Variants in GDAP1 observed in about 807,000 individuals in gnomAD.
GDAP1 encodes ganglioside-induced differentiation-associated protein 1.
A neutral mutation model predicts 40.1 loss-of-function variants in GDAP1; 34 were observed. The observed-to-expected ratio is 0.85, with a 90% CI of 0.64 to 1.13. The LOEUF is 1.13. GDAP1 is among the 50% of genes most tolerant of loss of function. The probability of loss-of-function intolerance (pLI) is 0.00; values close to 1 mark genes in which losing one functional copy is unlikely to be tolerated. For missense variants in GDAP1, 374 were observed against 433.7 expected (o/e 0.86, Z 1.22); for synonymous variants, 170 against 157.4 (o/e 1.08, Z -0.60).
intron 2 of GDAP1, among the ~76,000 whole-genome samples, chr8:74,387,192 G>T (rs1042945717): frequency 5.3e-5 from 8 of 152,030 alleles, no homozygotes; most frequent in African/African-American, 1.9e-4. Context: ...TGCCTAATTG[G>T]CCTGGCCAGA....
chr8:74,424,159 T>C (rs1325980598), intron 2 of GDAP1, among the ~76,000 whole-genome samples: 3 of 152,178 alleles, frequency 2.0e-5, no homozygotes. Flanking sequence ...CTTTAAGTCA[T>C]TTCTAGTTTA....
intron 2 of GDAP1, among the ~76,000 whole-genome samples, chr8:74,392,778 A>G (rs1169015583): frequency 6.6e-6 from 1 of 152,232 alleles, no homozygotes; most frequent in Non-Finnish European, 1.5e-5. Flanking sequence ...TTCCCCAAAC[A>G]CTTTTTACTT....
chr8:74,381,099 T>A (rs886494148), intron 2 of GDAP1, among the ~76,000 whole-genome samples: 1 of 152,044 alleles, frequency 6.6e-6, no homozygotes, highest in Non-Finnish European at 1.5e-5. Flanking sequence ...TGTGTGTGTC[T>A]GTGTGTGTGG....
rs868609146 is a variant in GDAP1, at chr8:74,399,242, A to G, written c.165+47921A>G. On this transcript the variant is annotated intron_variant, in intron 2 of 2. Coordinates refer to the GDAP1 transcript ENST00000523640. ...CAATTTCAGATCCTGTTATTGGTCT[A>G]TTCAGAGATTCAACTTCTTCCTGGT... Among the ~76,000 whole-genome samples the G allele has an allele frequency of 2.6e-4, 38 of 145,696 alleles. 2 individuals carry two copies. In the Middle Eastern group the frequency reaches 0.031, roughly 118 times the overall value.
At chr8:74,375,354 C>T (rs892463333) in intron 2 of GDAP1, among the ~76,000 whole-genome samples, 3 of 151,970 alleles carry the variant, frequency 2.0e-5, no homozygotes, top group Admixed American at 6.6e-5. Context: ...AACTATTCCT[C>T]GTGACTGTAG....
intron 5 of GDAP1, among the ~76,000 whole-genome samples, 195 bp downstream of exon 5, chr8:74,363,248 C>T (rs1056380664): frequency 3.3e-5 from 5 of 152,128 alleles, no homozygotes; most frequent in African/African-American, 1.2e-4. Flanking sequence ...TCTGCATCTA[C>T]GTGAAGGATT....
At chr8:74,418,035 A>G (rs139017594) in intron 2 of GDAP1, among the ~76,000 whole-genome samples, 1 of 152,228 alleles carries the variant, frequency 6.6e-6, no homozygotes, top group African/African-American at 2.4e-5. Context: ...AAGAAATCTA[A>G]GAAGGCCTAG....
At chr8:74,360,419 T>C in intron 3 of GDAP1, 109 bp downstream of exon 3, 1 of 933,944 alleles carries the variant, frequency 1.1e-6, no homozygotes, top group Non-Finnish European at 1.8e-6. Flanking sequence ...AATAGGGTTG[T>C]TGAGTTTGCT....
At chr8:74,447,558 C>G (rs1806247124) in intron 2 of GDAP1, among the ~76,000 whole-genome samples, 1 of 152,096 alleles carries the variant, frequency 6.6e-6, no homozygotes, top group African/African-American at 2.4e-5. Context: ...CACACAGTTT[C>G]TTTAGTGTCC....
intron 2 of GDAP1, among the ~76,000 whole-genome samples, chr8:74,385,002 C>T (rs2131540036): frequency 6.6e-6 from 1 of 152,208 alleles, no homozygotes; most frequent in South Asian, 2.1e-4. Context: ...AATATGGATG[C>T]TAAATAGCTA....
At chr8:74,397,813 G>A (rs1166559709) in intron 2 of GDAP1, among the ~76,000 whole-genome samples, 1 of 151,958 alleles carries the variant, frequency 6.6e-6, no homozygotes, top group Non-Finnish European at 1.5e-5. Context: ...TTGTTCTTTT[G>A]GCTTAGGATT....
At chr8:74,371,659 CAAAA>C (rs563423704), downstream of GDAP1, among the ~76,000 whole-genome samples, 1 of 92,786 alleles carries the variant, frequency 1.1e-5, no homozygotes. Flanking sequence ...GACTCCGTCT[CAAAA>C]AAAAAAAAAG....
intron 2 of GDAP1, among the ~76,000 whole-genome samples, chr8:74,401,443 T>C (rs1480800048): frequency 6.7e-6 from 1 of 149,972 alleles, no homozygotes; most frequent in Non-Finnish European, 1.5e-5. Context: ...TTATTCTAGT[T>C]ATACATTCGT....
chr8:74,388,868 T>A (rs1233094842), intron 2 of GDAP1, among the ~76,000 whole-genome samples: 2 of 152,234 alleles, frequency 1.3e-5, no homozygotes, highest in African/African-American at 2.4e-5. Context: ...TGCTCCTGTA[T>A]TGGGTGCATA....
chr8:74,366,363 A>G lies in GDAP1; in HGVS notation c.*1996A>G, dbSNP rs552738981. On this transcript the variant is annotated 3_prime_UTR_variant, in exon 6 of 6. Coordinates refer to ENST00000220822, the MANE Select transcript of GDAP1 (RefSeq NM_018972.4). ...CTCTTCTAAAATGTTTCAAGCAAAG[A>G]TAGTAATGACCTCAGTTTCTGAAAT... 4.4e-5 allele frequency: 20 copies of G among 454,490 alleles called. No individual in the cohort carries two copies. Among genetic ancestry groups the G allele is most frequent in the African/African-American group, 3.8e-4 (19 of 50,122 alleles). The allele number at this position is 454,490 out of a possible 1,614,324, so 28.2% of individuals were successfully genotyped here. A position where few individuals can be genotyped will look rare whatever the true frequency, so the allele number is the denominator to read the frequency against.
At chr8:74,379,419 C>T (rs1809913701) in intron 2 of GDAP1, among the ~76,000 whole-genome samples, 1 of 152,090 alleles carries the variant, frequency 6.6e-6, no homozygotes, top group Admixed American at 6.5e-5. Flanking sequence ...GTTCACATCA[C>T]CTGTTTAGAC....
chr8:74,482,625 C>G (rs1215518475), intron 2 of GDAP1, among the ~76,000 whole-genome samples: 7 of 152,110 alleles, frequency 4.6e-5, no homozygotes, highest in Non-Finnish European at 8.8e-5. Flanking sequence ...TGTTTCTTTC[C>G]TCCTTTAGAA....
At position 74,381,760 on chromosome 8, in the gene GDAP1, T is replaced by TA. The variant is rs59246526; in HGVS notation, c.165+30457dup. Among the ~76,000 whole-genome samples the TA allele has an allele frequency of 5.1e-3, 727 of 142,198 alleles. 8 individuals carry two copies. Among genetic ancestry groups the TA allele is most frequent in the African/African-American group, 0.017 (663 of 38,236 alleles). 93.3% of individuals were successfully genotyped at this position (142,198 alleles called of 152,430 possible). On this transcript the variant is annotated intron_variant, in intron 2 of 2. Transcript: ENST00000523640. ...GACAGAGCGAAACTCCATCTCAAAT[T>TA]AAAAAAAAAAAAAAAAAAGTAAGTA... is the stretch of plus-strand genomic sequence containing the variant.
chr8:74,417,193 A>G (rs1805794260), intron 2 of GDAP1, among the ~76,000 whole-genome samples: 1 of 149,812 alleles, frequency 6.7e-6, no homozygotes, highest in African/African-American at 2.6e-5. Flanking sequence ...AGAAATTGAC[A>G]AAATGTTGAT....
Sources: gnomAD v4.1 joint callset for allele counts (sites outside exome capture counted in the v4.1 genomes callset) on GRCh38, gnomAD v4.1.1 for gene constraint, MANE v1.5 for transcripts, NCBI Gene and HGNC (gene_info 2026-07-23, HGNC 2026-07-21) for gene names.